The following TMEM117 variants were observed in gnomAD, a reference collection of about 807,000 sequenced individuals.
The protein encoded by TMEM117 is transmembrane protein 117.
Under a neutral mutation model 52.4 loss-of-function variants are expected in TMEM117, and 27 were observed. The ratio of observed to expected loss-of-function variants is 0.51; its 90% CI spans 0.38 to 0.71. The LOEUF is 0.71. Among genes scored for constraint, TMEM117 ranks in the 30% least tolerant of loss-of-function variants. The probability of loss-of-function intolerance (pLI) is 0.00; values close to 1 mark genes in which losing one functional copy is unlikely to be tolerated. For synonymous variants in TMEM117, 215 were observed against 206.3 expected (o/e 1.04, Z -0.36); for missense variants, 556 against 630.5 (o/e 0.88, Z 1.26).
intron 2 of TMEM117, among the ~76,000 whole-genome samples, chr12:43,933,013 G>T (rs1944896117): frequency 6.6e-6 from 1 of 152,108 alleles, no homozygotes; most frequent in Non-Finnish European, 1.5e-5. Context: ...GATCAAGATT[G>T]CTTAAGACCA....
intron 3 of TMEM117, among the ~76,000 whole-genome samples, chr12:43,973,872 A>G (rs1222071458): frequency 6.6e-6 from 1 of 152,210 alleles, no homozygotes; most frequent in Non-Finnish European, 1.5e-5. Flanking sequence ...CATATGCCAC[A>G]TTATAGTGAC....
intron 3 of TMEM117, among the ~76,000 whole-genome samples, chr12:44,114,349 A>G (rs1452275414): frequency 2.0e-5 from 3 of 152,212 alleles, no homozygotes; most frequent in Admixed American, 6.5e-5. Flanking sequence ...GTGAATGGCT[A>G]TGGAAATAAA....
intron 5 of TMEM117, among the ~76,000 whole-genome samples, chr12:44,214,138 A>ATTTTTTTTTTTTTTT (rs773352634): frequency 2.0e-5 from 2 of 99,282 alleles, no homozygotes; most frequent in Non-Finnish European, 2.1e-5. Flanking sequence ...TTTTTTTTTA[A>ATTTTTTTTTTTTTTT]TTTTTTTTTT....
At chr12:44,145,168 A>T (rs1316976756) in intron 4 of TMEM117, among the ~76,000 whole-genome samples, 2 of 152,236 alleles carry the variant, frequency 1.3e-5, no homozygotes, top group Non-Finnish European at 2.9e-5. Flanking sequence ...AAAAGAAAAT[A>T]AAAAAGAAAA....
At chr12:43,995,668 A>G (rs1211644229) in intron 3 of TMEM117, among the ~76,000 whole-genome samples, 1 of 152,174 alleles carries the variant, frequency 6.6e-6, no homozygotes, top group South Asian at 2.1e-4. Flanking sequence ...GTAGTCTTTC[A>G]TCTCTCACCT....
chr12:44,025,067 T>A (rs1248119830), intron 3 of TMEM117, among the ~76,000 whole-genome samples: 1 of 152,178 alleles, frequency 6.6e-6, no homozygotes, highest in African/African-American at 2.4e-5. Context: ...GTGATTGACC[T>A]TAGGCAAGTA....
chr12:43,920,481 C>G (rs1944674136), intron 2 of TMEM117, among the ~76,000 whole-genome samples: 1 of 151,636 alleles, frequency 6.6e-6, no homozygotes, highest in Non-Finnish European at 1.5e-5. Context: ...CCACTACACT[C>G]CAGCCTGGGT....
chr12:44,072,278 T>C (rs1484532540), intron 3 of TMEM117, among the ~76,000 whole-genome samples: 1 of 152,060 alleles, frequency 6.6e-6, no homozygotes, highest in Non-Finnish European at 1.5e-5. Context: ...TTACTTTGGA[T>C]CTGGAATTTT....
chr12:44,098,585 G>A (rs907173674), intron 3 of TMEM117, among the ~76,000 whole-genome samples: 10 of 152,000 alleles, frequency 6.6e-5, no homozygotes, highest in African/African-American at 2.4e-4. Flanking sequence ...TATTCTGTGT[G>A]TTACATCAGT....
At chr12:44,284,870 G>C (rs962107897) in intron 5 of TMEM117, among the ~76,000 whole-genome samples, 1 of 152,136 alleles carries the variant, frequency 6.6e-6, no homozygotes, top group African/African-American at 2.4e-5. Flanking sequence ...AACTAAAATG[G>C]TTCTTCCTAA....
chr12:44,341,683 G>A (rs1012874174), intron 6 of TMEM117, among the ~76,000 whole-genome samples: 2 of 152,122 alleles, frequency 1.3e-5, no homozygotes, highest in African/African-American at 2.4e-5. Context: ...GACAACCATG[G>A]CATGGGAGAA....
intron 4 of TMEM117, among the ~76,000 whole-genome samples, chr12:44,187,186 T>G (rs111624770): frequency 6.6e-6 from 1 of 152,140 alleles, no homozygotes; most frequent in Non-Finnish European, 1.5e-5. Flanking sequence ...TCCAGACTTA[T>G]ATTTGCTTAT....
chr12:44,063,049 C>G (rs977248920), intron 3 of TMEM117, among the ~76,000 whole-genome samples: 3 of 152,186 alleles, frequency 2.0e-5, no homozygotes, highest in Non-Finnish European at 4.4e-5. Context: ...CACACAATGT[C>G]TTCTCAGTTG....
At chr12:44,082,924 G>C (rs1403110334) in intron 3 of TMEM117, among the ~76,000 whole-genome samples, 3 of 152,102 alleles carry the variant, frequency 2.0e-5, no homozygotes, top group Non-Finnish European at 4.4e-5. Context: ...TGTATATATA[G>C]CCAAAAGTAG....
At chr12:44,329,035 G>A (rs1015476794) in intron 6 of TMEM117, among the ~76,000 whole-genome samples, 7 of 151,780 alleles carry the variant, frequency 4.6e-5, no homozygotes, top group African/African-American at 1.7e-4. Context: ...TAGTGGATGG[G>A]AGATGGACTA....
At position 44,299,705 on chromosome 12, in the gene TMEM117, T is replaced by C; in HGVS notation, c.734T>C (p.Phe245Ser). Residue 245 changes from phenylalanine (F) to serine (S), a missense_variant, in exon 6 of 8, where the codon TTT becomes TCT. Physicochemically the swap from Phe to Ser is radical, Grantham distance 155 (BLOSUM62 -2). Transcript: ENST00000266534. ...DEVSRAFLAS[F>S]ILVFDLLIVM... ...GTTTCCAGAGCATTCCTTGCTTCTT[T>C]TATCTTGGTCTTTGACCTTCTTATT... 6.2e-7 allele frequency: 1 copy of C among 1,614,194 alleles called. No individual in the cohort carries two copies. Among genetic ancestry groups the C allele is most frequent in the Non-Finnish European group, 8.5e-7 (1 of 1,180,014 alleles).
chr12:44,234,055 G>A (rs1949964405), intron 5 of TMEM117, among the ~76,000 whole-genome samples: 1 of 151,034 alleles, frequency 6.6e-6, no homozygotes, highest in South Asian at 2.1e-4. Flanking sequence ...TATGATATTG[G>A]CCTCTATTTT....
intron 2 of TMEM117, among the ~76,000 whole-genome samples, chr12:43,916,485 A>G (rs1028900511): frequency 1.3e-5 from 2 of 152,212 alleles, no homozygotes; most frequent in African/African-American, 4.8e-5. Context: ...ATTATTAAAT[A>G]TCATGTATAA....
chr12:43,947,542 T>C (rs1945153238), intron 3 of TMEM117, among the ~76,000 whole-genome samples: 1 of 152,144 alleles, frequency 6.6e-6, no homozygotes, highest in Admixed American at 6.5e-5. Context: ...CTTCATCCCA[T>C]GTAGCACAGG....
Sources: gnomAD v4.1 joint callset for allele counts (sites outside exome capture counted in the v4.1 genomes callset) on GRCh38, gnomAD v4.1.1 for gene constraint, MANE v1.5 for transcripts, NCBI Gene and HGNC (gene_info 2026-07-23, HGNC 2026-07-21) for gene names.